The following CELF4 variants were observed in gnomAD, a reference collection of about 807,000 sequenced individuals.
The protein encoded by CELF4 is CUGBP Elav-like family member 4, also known as CUG-BP- and ETR-3-like factor 4.
In CELF4, 18 loss-of-function variants were observed where a neutral mutation model predicts 59.9. The ratio of observed to expected loss-of-function variants is 0.30; its 90% CI spans 0.21 to 0.45. The LOEUF is 0.45. Among genes scored for constraint, CELF4 ranks in the 20% least tolerant of loss-of-function variants. CELF4 has a pLI of 1.00. For synonymous variants in CELF4, 261 were observed against 267.1 expected (o/e 0.98, Z 0.22); for missense variants, 456 against 689.0 (o/e 0.66, Z 3.79).
At chr18:37,464,396 G>A (rs955989642) in intron 2 of CELF4, among the ~76,000 whole-genome samples, 3 of 152,116 alleles carry the variant, frequency 2.0e-5, no homozygotes, top group African/African-American at 7.2e-5. Flanking sequence ...GACTCCCATC[G>A]ATGCCTAGCC....
At chr18:37,325,858 C>T (rs750634276) in intron 2 of CELF4, among the ~76,000 whole-genome samples, 18 of 152,234 alleles carry the variant, frequency 1.2e-4, no homozygotes, top group Non-Finnish European at 2.6e-4. Context: ...AGCATCCAGA[C>T]AGCCTTTGAG....
intron 2 of CELF4, among the ~76,000 whole-genome samples, chr18:37,405,150 A>G (rs1007505202): frequency 1.3e-4 from 20 of 151,968 alleles, no homozygotes; most frequent in African/African-American, 4.4e-4. Context: ...CTCATAGGAC[A>G]TGTTTTCCAG....
intron 1 of CELF4, among the ~76,000 whole-genome samples, chr18:37,547,557 C>A (rs753571090): frequency 6.6e-6 from 1 of 152,192 alleles, no homozygotes; most frequent in African/African-American, 2.4e-5. Flanking sequence ...CTTGGTTAGA[C>A]GAACAGAAAT....
intron 1 of CELF4, among the ~76,000 whole-genome samples, chr18:37,531,582 T>C (rs1284257931): frequency 1.3e-5 from 2 of 152,222 alleles, no homozygotes; most frequent in South Asian, 2.1e-4. Context: ...ATTTATTTAA[T>C]AACAGCAGTT....
At chr18:37,379,662 A>G (rs1415033997) in intron 2 of CELF4, among the ~76,000 whole-genome samples, 1 of 152,090 alleles carries the variant, frequency 6.6e-6, no homozygotes, top group African/African-American at 2.4e-5. Flanking sequence ...GGGACCTCAA[A>G]CTGGGCTCCC....
intron 2 of CELF4, among the ~76,000 whole-genome samples, chr18:37,443,052 G>T (rs1603641278): frequency 6.6e-6 from 1 of 152,286 alleles, no homozygotes; most frequent in African/African-American, 2.4e-5. Context: ...GGGGCAACTT[G>T]TTTCCAGTGC....
chr18:37,394,964 G>A (rs1453573538), intron 2 of CELF4, among the ~76,000 whole-genome samples: 9 of 36,248 alleles, frequency 2.5e-4, no homozygotes, highest in African/African-American at 1.2e-3. Flanking sequence ...CCCCCACCCG[G>A]CCTCCACTCA....
At chr18:37,349,648 C>G (rs151069663) in intron 2 of CELF4, among the ~76,000 whole-genome samples, 15 of 152,310 alleles carry the variant, frequency 9.8e-5, no homozygotes, top group African/African-American at 3.1e-4. Context: ...TACCTGTAAA[C>G]CAATAATGCA....
At chr18:37,331,369 T>C (rs2097536454) in intron 2 of CELF4, among the ~76,000 whole-genome samples, 1 of 152,212 alleles carries the variant, frequency 6.6e-6, no homozygotes, top group Non-Finnish European at 1.5e-5. Context: ...TCCACCCAGT[T>C]ACACTCACCG....
At chr18:37,386,781 G>C (rs2099103950) in intron 2 of CELF4, among the ~76,000 whole-genome samples, 1 of 152,166 alleles carries the variant, frequency 6.6e-6, no homozygotes, top group Non-Finnish European at 1.5e-5. Flanking sequence ...TTCCTCTCTA[G>C]GGTTTCAAAG....
At chr18:37,353,034 A>G (rs2098478359) in intron 2 of CELF4, among the ~76,000 whole-genome samples, 1 of 152,050 alleles carries the variant, frequency 6.6e-6, no homozygotes, top group South Asian at 2.1e-4. Context: ...ATCCTGGCTA[A>G]CACGGTGAAA....
chr18:37,451,890 G>C (rs2099765094), intron 2 of CELF4, among the ~76,000 whole-genome samples: 1 of 152,306 alleles, frequency 6.6e-6, no homozygotes, highest in Admixed American at 6.5e-5. Flanking sequence ...TGATGGGCCT[G>C]CTTAATTCCC....
intron 2 of CELF4, among the ~76,000 whole-genome samples, chr18:37,410,155 C>A (rs2099428691): frequency 6.6e-6 from 1 of 152,142 alleles, no homozygotes; most frequent in Admixed American, 6.5e-5. Flanking sequence ...AGGAGAAGAG[C>A]AAAGCTGGAC....
intron 2 of CELF4, among the ~76,000 whole-genome samples, chr18:37,441,496 G>A (rs755093435): frequency 1.2e-4 from 19 of 152,296 alleles, no homozygotes; most frequent in Non-Finnish European, 1.8e-4. Context: ...TTGTTCGGAT[G>A]GGAAGATATT....
In CELF4 at chr18:37,558,133, C is replaced by T. The variant is rs150362341; in HGVS notation, c.286+7223G>A. ...ACTCCTGCCTCAGCCTCCTGAGTAG[C>T]TGGGACTACAGGCTTGCACCACCAT... On this transcript the variant is annotated intron_variant, in intron 1 of 12. Coordinates refer to ENST00000420428, the MANE Select transcript of CELF4 (RefSeq NM_020180.4). Among the ~76,000 whole-genome samples, 179 of 150,722 alleles carry T rather than the reference C, an allele frequency of 1.2e-3. 1 individual carries two copies. In the Middle Eastern group the frequency reaches 0.014, roughly 12 times the overall value.
chr18:37,336,517 C>T (rs1024506262), intron 2 of CELF4, among the ~76,000 whole-genome samples: 2 of 152,188 alleles, frequency 1.3e-5, no homozygotes, highest in Admixed American at 6.5e-5. Flanking sequence ...CTCCCCTCCA[C>T]AAGCCCAGGC....
intron 3 of CELF4, among the ~76,000 whole-genome samples, chr18:37,288,167 C>T (rs1396164516): frequency 6.6e-6 from 1 of 152,184 alleles, no homozygotes; most frequent in East Asian, 1.9e-4. Context: ...ACTGTGGACA[C>T]CTGAAGATTC....
intron 2 of CELF4, among the ~76,000 whole-genome samples, chr18:37,454,597 G>A (rs1467010467): frequency 1.3e-5 from 2 of 152,072 alleles, no homozygotes; most frequent in Non-Finnish European, 2.9e-5. Flanking sequence ...AGGTATTCAG[G>A]ACAACCATGC....
intron 1 of CELF4, among the ~76,000 whole-genome samples, chr18:37,547,160 G>GTGGTGTGTGT (rs61235122): frequency 2.1e-5 from 3 of 144,170 alleles, no homozygotes; most frequent in African/African-American, 7.6e-5. Context: ...GTGTGTGTGT[G>GTGGTGTGTGT]GTGTGTGTGT....
Sources: gnomAD v4.1 joint callset for allele counts (sites outside exome capture counted in the v4.1 genomes callset) on GRCh38, gnomAD v4.1.1 for gene constraint, MANE v1.5 for transcripts, NCBI Gene and HGNC (gene_info 2026-07-23, HGNC 2026-07-21) for gene names.